EGFR: variants seen among roughly 807,000 people sequenced by gnomAD.
EGFR encodes epidermal growth factor receptor, also known as avian erythroblastic leukemia viral (v-erb-b) oncogene homolog.
In EGFR, 58 loss-of-function variants were observed where a neutral mutation model predicts 143.0. The observed-to-expected ratio is 0.41, with a 90% CI of 0.33 to 0.50. The LOEUF is 0.50. Among genes scored for constraint, EGFR ranks in the 20% least tolerant of loss-of-function variants. The probability of loss-of-function intolerance (pLI) is 0.39; values close to 1 mark genes in which losing one functional copy is unlikely to be tolerated. For synonymous variants in EGFR, 613 were observed against 594.4 expected (o/e 1.03, Z -0.45); for missense variants, 1,307 against 1,579.0 (o/e 0.83, Z 2.92).
chr7:55,039,940 G>T (rs914129584), intron 1 of EGFR, among the ~76,000 whole-genome samples: 1 of 152,184 alleles, frequency 6.6e-6, no homozygotes, highest in African/African-American at 2.4e-5. Flanking sequence ...AAGCAGTATA[G>T]CTCTCTTACT....
intron 1 of EGFR, among the ~76,000 whole-genome samples, chr7:55,107,111 C>G (rs1198922963): frequency 3.3e-5 from 5 of 152,168 alleles, no homozygotes; most frequent in Non-Finnish European, 1.5e-5. Flanking sequence ...AAGATAGAAG[C>G]AGCAGCATAT....
intron 1 of EGFR, among the ~76,000 whole-genome samples, chr7:55,131,334 C>T (rs1793821380): frequency 6.6e-6 from 1 of 150,716 alleles, no homozygotes; most frequent in African/African-American, 2.4e-5. Flanking sequence ...TGAACATAAA[C>T]TACTGGCTGC....
intron 1 of EGFR, among the ~76,000 whole-genome samples, chr7:55,105,374 T>G (rs1327128061): frequency 6.6e-6 from 1 of 152,262 alleles, no homozygotes; most frequent in Admixed American, 6.5e-5. Context: ...CTGTTGCTTT[T>G]TATTCTCATT....
rs924188237 is a variant in EGFR at position 55,205,994 on chromosome 7, A to G, written c.*377A>G. On this transcript the variant is annotated 3_prime_UTR_variant, in exon 28 of 28. Transcript: ENST00000275493. Reference sequence around the variant, plus strand: ...ATTTTTACTTCAATGGGCTCTTCCAACAAGGAAGAAGCTTGCTGGTAGCAC... The same window carrying G: ...ATTTTTACTTCAATGGGCTCTTCCAGCAAGGAAGAAGCTTGCTGGTAGCAC... 2.6e-6 allele frequency: 1 copy of G among 389,832 alleles called. No individual in the cohort carries two copies. The highest frequency in any genetic ancestry group is 4.7e-6 in the Non-Finnish European group (1 of 211,758). The allele number at this position is 389,832 out of a possible 1,614,324, so 24.1% of individuals were successfully genotyped here.
At chr7:55,185,632 A>G (rs2075103) in intron 20 of EGFR, among the ~76,000 whole-genome samples, 87,903 of 151,920 alleles carry the variant, frequency 0.58, 26,105 homozygotes, top group Middle Eastern at 0.69. Context: ...AATGCAGATT[A>G]CAGTCTCACA....
rs149808914 is a variant in EGFR at position 55,079,927 on chromosome 7, T to G, written c.88+60562T>G. Among the ~76,000 whole-genome samples the G allele has an allele frequency of 1.8e-4, 27 of 152,324 alleles. No homozygotes were observed. In the East Asian group the frequency reaches 5.0e-3, roughly 28 times the overall value. ...CTTTGAAAGATCTGTGGTTTGCAAA[T>G]ATTTACTCTCAGTCCATAACTTATC... On this transcript the variant is annotated intron_variant, in intron 1 of 27. Coordinates refer to ENST00000275493, the MANE Select transcript of EGFR (RefSeq NM_005228.5).
chr7:55,131,300 T>C (rs1793818526), intron 1 of EGFR, among the ~76,000 whole-genome samples: 1 of 151,784 alleles, frequency 6.6e-6, no homozygotes, highest in Admixed American at 6.6e-5. Context: ...TTTTTTTTTT[T>C]CACTCTTCAA....
intron 1 of EGFR, among the ~76,000 whole-genome samples, chr7:55,130,107 T>A (rs1793747801): frequency 6.6e-6 from 1 of 151,984 alleles, no homozygotes; most frequent in East Asian, 1.9e-4. Context: ...TCAGAGGAGG[T>A]TTACTGAGCC....
chr7:55,161,339 G>T (rs1462022535), intron 12 of EGFR, among the ~76,000 whole-genome samples, 160 bp from the exon 13 acceptor site: 1 of 152,242 alleles, frequency 6.6e-6, no homozygotes, highest in Non-Finnish European at 1.5e-5. Flanking sequence ...GTCGGCCTCT[G>T]GGAAGCCCAG....
chr7:55,094,373 C>A (rs901364801), intron 1 of EGFR, among the ~76,000 whole-genome samples: 3 of 152,218 alleles, frequency 2.0e-5, no homozygotes, highest in Non-Finnish European at 2.9e-5. Flanking sequence ...CAGGGGGGGC[C>A]TCACTGTGCA....
chr7:55,019,380 C>G lies in EGFR; in HGVS notation c.88+15C>G. The G allele has an allele frequency of 7.1e-7, 1 of 1,409,388 alleles. No homozygotes were observed. The highest frequency in any genetic ancestry group is 1.5e-5 in the African/African-American group (1 of 67,326). The allele number at this position is 1,409,388 out of a possible 1,614,324, so 87.3% of individuals were successfully genotyped here. ...GGAAAAGAAAGGTAAGGGCGTGTCTCGCCGGCTCCCGCGCCGCCCCCGGAT... is the reference window on the plus strand; with the variant it reads ...GGAAAAGAAAGGTAAGGGCGTGTCTGGCCGGCTCCCGCGCCGCCCCCGGAT... On this transcript the variant is annotated intron_variant, in intron 1 of 27. Coordinates refer to ENST00000275493, the MANE Select transcript of EGFR (RefSeq NM_005228.5).
chr7:55,208,894 T>TA lies in EGFR; in HGVS notation c.*3278dup, dbSNP rs1245891375. Reference sequence around the variant, plus strand: ...GATTTTCTCAGGTGCAGCCCAGCCGTAGGGCCTTTTCAGAGCACCCCCTGG... The same window carrying TA: ...GATTTTCTCAGGTGCAGCCCAGCCGTAAGGGCCTTTTCAGAGCACCCCCTGG... On this transcript the variant is annotated 3_prime_UTR_variant, in exon 28 of 28. Transcript: ENST00000275493. 1.3e-5 allele frequency: 2 copies of TA among 152,104 alleles called. No homozygotes were observed. The highest frequency in any genetic ancestry group is 2.9e-5 in the Non-Finnish European group (2 of 68,024). 9.4% of individuals were successfully genotyped at this position (152,104 alleles called of 1,614,324 possible).
intron 1 of EGFR, among the ~76,000 whole-genome samples, chr7:55,128,648 A>C (rs774949143): frequency 5.9e-5 from 9 of 152,244 alleles, no homozygotes; most frequent in Non-Finnish European, 1.3e-4. Context: ...CTAGTATTCT[A>C]GAAGACTCCA....
At chr7:55,169,070 CGAG>C (rs1183270707) in intron 15 of EGFR, among the ~76,000 whole-genome samples, 18 of 151,570 alleles carry the variant, frequency 1.2e-4, no homozygotes, top group Admixed American at 5.9e-4. Flanking sequence ...GCCACCCAGA[CGAG>C]GGGGAGGAAC....
chr7:55,026,226 C>G lies in EGFR; in HGVS notation c.88+6861C>G, dbSNP rs529487556. Among the ~76,000 whole-genome samples the G allele has an allele frequency of 1.6e-3, 248 of 152,270 alleles. 1 individual carries two copies. The highest frequency in any genetic ancestry group is 2.8e-3 in the Non-Finnish European group (190 of 68,020). ...AAATCTTGTCTTTGCTCTCAGACCC[C>G]CATTTCTTACTCATCTCATGAGCTC... On this transcript the variant is annotated intron_variant, in intron 1 of 27. Transcript: ENST00000275493.
intron 1 of EGFR, among the ~76,000 whole-genome samples, chr7:55,079,479 T>C (rs1790340633): frequency 6.6e-6 from 1 of 152,184 alleles, no homozygotes; most frequent in African/African-American, 2.4e-5. Flanking sequence ...TTCTTTGAAT[T>C]TTTTTCCTTC....
intron 1 of EGFR, among the ~76,000 whole-genome samples, chr7:55,120,118 C>A (rs1425359375): frequency 6.6e-6 from 1 of 152,226 alleles, no homozygotes; most frequent in Non-Finnish European, 1.5e-5. Context: ...GGACAAGCTA[C>A]TCTTTTTCAG....
intron 1 of EGFR, among the ~76,000 whole-genome samples, chr7:55,097,262 C>T (rs1791533910): frequency 6.6e-6 from 1 of 152,208 alleles, no homozygotes; most frequent in Non-Finnish European, 1.5e-5. Flanking sequence ...CGCAGAATCC[C>T]AGCCTCCTCT....
intron 1 of EGFR, among the ~76,000 whole-genome samples, chr7:55,024,735 C>A (rs1786782665): frequency 6.6e-6 from 1 of 152,078 alleles, no homozygotes; most frequent in African/African-American, 2.4e-5. Flanking sequence ...CTGTTGCATC[C>A]ATATGTTGAG....
Sources: allele counts gnomAD v4.1 joint callset (sites outside exome capture counted in the v4.1 genomes callset), GRCh38; gene constraint gnomAD v4.1.1; transcripts MANE v1.5; gene names NCBI Gene and HGNC (gene_info 2026-07-23, HGNC 2026-07-21).